DOCK3: variants seen among roughly 807,000 people sequenced by gnomAD.
The protein encoded by DOCK3 is dedicator of cytokinesis protein 3.
In DOCK3, 60 loss-of-function variants were observed where a neutral mutation model predicts 265.6. That is an observed-to-expected ratio of 0.23 (90% CI 0.18 to 0.28). The LOEUF (loss-of-function observed/expected upper bound fraction) is 0.28. Among genes scored for constraint, DOCK3 ranks in the 10% least tolerant of loss-of-function variants. The probability of loss-of-function intolerance (pLI) is 1.00; values close to 1 mark genes in which losing one functional copy is unlikely to be tolerated. For missense variants in DOCK3, 1,981 were observed against 2,594.3 expected, an observed-to-expected ratio of 0.76 and a Z score of 5.14; for synonymous variants, 881 against 938.0, an observed-to-expected ratio of 0.94 and a Z score of 1.11.
chr3:51,157,874 C>T (rs1489185240), intron 10 of DOCK3, among the ~76,000 whole-genome samples: 1 of 144,600 alleles, frequency 6.9e-6, no homozygotes, highest in African/African-American at 2.6e-5. Context: ...GTCTCTTTCT[C>T]GGCTCACTGC....
intron 9 of DOCK3, among the ~76,000 whole-genome samples, chr3:51,124,074 T>A (rs1446678100): frequency 1.3e-5 from 2 of 152,200 alleles, no homozygotes; most frequent in Non-Finnish European, 2.9e-5. Context: ...GCCTTGGAGA[T>A]GAGGAATGCC....
chr3:50,788,133 GT>G, intron 2 of DOCK3: 1 of 766,682 alleles, frequency 1.3e-6, no homozygotes, highest in Non-Finnish European at 2.1e-6. Context: ...GGTTCCCTTT[GT>G]TACACTTTGG....
At chr3:50,883,121 G>A (rs1400952394) in intron 3 of DOCK3, among the ~76,000 whole-genome samples, 1 of 152,100 alleles carries the variant, frequency 6.6e-6, no homozygotes, top group African/African-American at 2.4e-5. Flanking sequence ...CTGTCGTGGG[G>A]TGGGGGAATG....
At chr3:51,011,904 G>T (rs1195070537) in intron 5 of DOCK3, among the ~76,000 whole-genome samples, 1 of 152,198 alleles carries the variant, frequency 6.6e-6, no homozygotes, top group East Asian at 1.9e-4. Flanking sequence ...GATCCTGTTT[G>T]TCTGGGTATC....
intron 5 of DOCK3, among the ~76,000 whole-genome samples, chr3:51,000,932 C>T (rs1455326339): frequency 3.9e-5 from 6 of 152,214 alleles, no homozygotes; most frequent in Middle Eastern, 3.2e-3. Flanking sequence ...GGATTACAGG[C>T]GTGGGCCGCC....
intron 4 of DOCK3, among the ~76,000 whole-genome samples, chr3:50,909,333 C>T (rs569671601): frequency 1.9e-4 from 29 of 152,000 alleles, no homozygotes; most frequent in East Asian, 5.8e-4. Flanking sequence ...TACTTCAGTG[C>T]GTTTTTGTAG....
At chr3:51,187,512 A>C (rs1241677956) in intron 12 of DOCK3, among the ~76,000 whole-genome samples, 1 of 152,130 alleles carries the variant, frequency 6.6e-6, no homozygotes, top group Non-Finnish European at 1.5e-5. Context: ...TTGGGATGGC[A>C]TGGGTGGTTT....
At chr3:50,801,365 G>A (rs1009469555) in intron 2 of DOCK3, among the ~76,000 whole-genome samples, 1 of 152,132 alleles carries the variant, frequency 6.6e-6, no homozygotes, top group African/African-American at 2.4e-5. Context: ...TAATTGGAAT[G>A]AGTTAGGGTG....
At chr3:50,718,164 T>C (rs972489410) in intron 1 of DOCK3, among the ~76,000 whole-genome samples, 1 of 152,192 alleles carries the variant, frequency 6.6e-6, no homozygotes, top group African/African-American at 2.4e-5. Flanking sequence ...TTATATCCTG[T>C]CACTCTAATC....
intron 27 of DOCK3, among the ~76,000 whole-genome samples, chr3:51,290,934 C>T (rs2081720097): frequency 6.6e-6 from 1 of 151,994 alleles, no homozygotes; most frequent in Admixed American, 6.6e-5. Flanking sequence ...AAAAATTAGC[C>T]AGGCGTGGTG....
intron 2 of DOCK3, among the ~76,000 whole-genome samples, chr3:50,798,079 A>G (rs1046751306): frequency 2.6e-5 from 4 of 152,232 alleles, no homozygotes; most frequent in African/African-American, 9.6e-5. Flanking sequence ...GCAAAAATAT[A>G]CGGCAGTTAA....
At chr3:51,276,430 C>T in intron 25 of DOCK3, 2 of 985,374 alleles carry the variant, frequency 2.0e-6, no homozygotes, top group Non-Finnish European at 2.4e-6. Context: ...AGGAATGGAA[C>T]ACAAGTGGGA....
intron 5 of DOCK3, among the ~76,000 whole-genome samples, chr3:51,006,183 G>A (rs976646169): frequency 1.3e-5 from 2 of 150,952 alleles, no homozygotes; most frequent in African/African-American, 4.9e-5. Flanking sequence ...TACAGTCTCA[G>A]CCAGTCTCCT....
chr3:50,692,083 T>A (rs988638285), intron 1 of DOCK3, among the ~76,000 whole-genome samples: 2 of 152,022 alleles, frequency 1.3e-5, no homozygotes, highest in Non-Finnish European at 2.9e-5. Flanking sequence ...CCTAGCTAAT[T>A]TATTTTTTAT....
At chr3:51,075,179 G>A (rs2082014921) in intron 6 of DOCK3, among the ~76,000 whole-genome samples, 177 bp from the exon 7 acceptor site, 1 of 152,118 alleles carries the variant, frequency 6.6e-6, no homozygotes, top group Non-Finnish European at 1.5e-5. Context: ...TAAATCCCTA[G>A]CCTCATTTAC....
intron 5 of DOCK3, among the ~76,000 whole-genome samples, chr3:51,054,121 T>TTAAA (rs1491422433): frequency 1.2e-5 from 1 of 84,986 alleles, no homozygotes; most frequent in African/African-American, 4.4e-5. Flanking sequence ...CGTAGCTTCC[T>TTAAA]AAAAAAAAAA....
chr3:50,745,203 A>G (rs1402166979), intron 1 of DOCK3, among the ~76,000 whole-genome samples: 2 of 151,878 alleles, frequency 1.3e-5, no homozygotes, highest in Non-Finnish European at 2.9e-5. Context: ...GTGCCACTGC[A>G]CCTGGCTAAT....
intron 12 of DOCK3, among the ~76,000 whole-genome samples, chr3:51,167,742 G>C (rs2086478084): frequency 6.6e-6 from 1 of 151,688 alleles, no homozygotes; most frequent in South Asian, 2.1e-4. Context: ...AACTTTTTTG[G>C]AGAGCTTGTC....
At chr3:51,013,690 A>C (rs776725041) in intron 5 of DOCK3, among the ~76,000 whole-genome samples, 6 of 152,180 alleles carry the variant, frequency 3.9e-5, no homozygotes, top group Non-Finnish European at 5.9e-5. Context: ...TGGGAGAACC[A>C]CTGCTCTCTT....
Sources: allele counts gnomAD v4.1 joint callset (sites outside exome capture counted in the v4.1 genomes callset), GRCh38; gene constraint gnomAD v4.1.1; transcripts MANE v1.5; gene names NCBI Gene and HGNC (gene_info 2026-07-23, HGNC 2026-07-21).